ZBTB20: variants seen among roughly 807,000 people sequenced by gnomAD.
ZBTB20 encodes the protein zinc finger and BTB domain-containing protein 20.
In ZBTB20, 9 loss-of-function variants were observed where a neutral mutation model predicts 56.9. The observed-to-expected ratio is 0.16, with a 90% CI of 0.10 to 0.28. The LOEUF is 0.28. ZBTB20 is among the 10% of genes least tolerant of loss of function. The pLI, the probability that ZBTB20 is intolerant of heterozygous loss-of-function variation, is 1.00. For synonymous variants in ZBTB20, 417 were observed against 420.7 expected (o/e 0.99, Z 0.11); for missense variants, 655 against 1,003.0 (o/e 0.65, Z 4.69).
chr3:114,525,959 C>A (rs1474362838), intron 6 of ZBTB20, among the ~76,000 whole-genome samples: 1 of 152,208 alleles, frequency 6.6e-6, no homozygotes, highest in Non-Finnish European at 1.5e-5. Context: ...ATTGTCATTG[C>A]CATTATTGTT....
intron 4 of ZBTB20, among the ~76,000 whole-genome samples, chr3:114,818,215 A>G (rs2073052250): frequency 6.6e-6 from 1 of 152,190 alleles, no homozygotes; most frequent in African/African-American, 2.4e-5. Context: ...TGGTGTTTCA[A>G]TATAAAAACT....
chr3:114,334,479 A>T lies in ZBTB20; in HGVS notation c.*4526T>A, dbSNP rs1196673232. Reference sequence around the variant, plus strand: ...GCTGGTGTTCCTGTGTGAGGGAAGTACACATAGCTCAAGGCTTTAGGACTG... The same window carrying T: ...GCTGGTGTTCCTGTGTGAGGGAAGTTCACATAGCTCAAGGCTTTAGGACTG... On this transcript the variant is annotated 3_prime_UTR_variant, in exon 12 of 12. Coordinates refer to ENST00000675478, the MANE Select transcript of ZBTB20 (RefSeq NM_001348800.3). 1.3e-5 allele frequency: 2 copies of T among 152,246 alleles called. No individual in the cohort carries two copies. The highest frequency in any genetic ancestry group is 4.8e-5 in the African/African-American group (2 of 41,466). 9.4% of individuals were successfully genotyped at this position (152,246 alleles called of 1,614,324 possible).
At chr3:115,005,991 C>T (rs543458607) in intron 2 of ZBTB20, among the ~76,000 whole-genome samples, 19 of 149,084 alleles carry the variant, frequency 1.3e-4, no homozygotes, top group East Asian at 2.0e-4. Flanking sequence ...TGTTCCTAGA[C>T]ATTGCCAAAT....
chr3:115,033,977 AT>A (rs2080810941), intron 2 of ZBTB20, among the ~76,000 whole-genome samples: 1 of 151,832 alleles, frequency 6.6e-6, no homozygotes, highest in Non-Finnish European at 1.5e-5. Flanking sequence ...AATACACCAC[AT>A]TAACAAAATA....
rs140295340 is a variant in ZBTB20, at chr3:115,085,185, C to A, written c.-702-13771G>T. Reference sequence around the variant, plus strand: ...TCCCATATGGCTCTGATAAATGAAACCCGTTATTGTGAATTTCAAGCTCTT... The same window carrying A: ...TCCCATATGGCTCTGATAAATGAAAACCGTTATTGTGAATTTCAAGCTCTT... On this transcript the variant is annotated intron_variant, in intron 1 of 11. Transcript: ENST00000675478. Among the ~76,000 whole-genome samples, 985 of 151,970 alleles carry A rather than the reference C, an allele frequency of 6.5e-3. 6 individuals are homozygous for A. Among genetic ancestry groups the A allele is most frequent in the Non-Finnish European group, 0.011 (765 of 67,896 alleles).
chr3:114,973,513 G>A (rs549797725), intron 3 of ZBTB20, among the ~76,000 whole-genome samples: 14 of 152,184 alleles, frequency 9.2e-5, no homozygotes, highest in Non-Finnish European at 2.1e-4. Flanking sequence ...TGACATTCAG[G>A]TGAAAGTACT....
chr3:114,392,637 CT>C (rs1299803880), intron 7 of ZBTB20, among the ~76,000 whole-genome samples: 4 of 152,180 alleles, frequency 2.6e-5, no homozygotes, highest in African/African-American at 9.7e-5. Context: ...CTTTTTCCAC[CT>C]AGCTTAGCCT....
intron 4 of ZBTB20, among the ~76,000 whole-genome samples, chr3:114,848,327 C>A (rs2074819594): frequency 6.6e-6 from 1 of 152,142 alleles, no homozygotes; most frequent in Admixed American, 6.5e-5. Flanking sequence ...TGCCAACAAA[C>A]AGGGCCTGTT....
At chr3:114,634,339 C>A (rs2107854819) in intron 6 of ZBTB20, among the ~76,000 whole-genome samples, 1 of 152,262 alleles carries the variant, frequency 6.6e-6, no homozygotes, top group South Asian at 2.1e-4. Flanking sequence ...CTAACCTAAT[C>A]AAGAAGGCTG....
chr3:114,624,317 C>T (rs1477705958), intron 6 of ZBTB20: 1 of 149,688 alleles, frequency 6.7e-6, no homozygotes, highest in African/African-American at 2.5e-5. Flanking sequence ...CTTCCACTAA[C>T]TGGGAGGAAA....
At chr3:114,695,421 A>C (rs368842891) in intron 5 of ZBTB20, among the ~76,000 whole-genome samples, 11 of 152,156 alleles carry the variant, frequency 7.2e-5, no homozygotes, top group African/African-American at 2.4e-4. Context: ...ACACATCGAG[A>C]TTTGAAAGGT....
At chr3:114,490,877 T>C (rs74886105) in intron 7 of ZBTB20, among the ~76,000 whole-genome samples, 315 of 152,262 alleles carry the variant, frequency 2.1e-3, no homozygotes, top group Non-Finnish European at 3.7e-3. Flanking sequence ...AACTGGGTAT[T>C]GTGAGGACAG....
chr3:115,036,518 G>A (rs532131112), intron 2 of ZBTB20, among the ~76,000 whole-genome samples: 1 of 152,056 alleles, frequency 6.6e-6, no homozygotes, highest in South Asian at 2.1e-4. Context: ...AGGTTCGAGC[G>A]ATTCTCCTGC....
chr3:114,504,175 G>T (rs1004420156), intron 6 of ZBTB20, among the ~76,000 whole-genome samples: 10 of 152,118 alleles, frequency 6.6e-5, no homozygotes, highest in African/African-American at 2.4e-4. Flanking sequence ...AGCCACACAG[G>T]CTTCTTTGAA....
At chr3:114,848,379 A>G (rs867109986) in intron 4 of ZBTB20, among the ~76,000 whole-genome samples, 2 of 152,208 alleles carry the variant, frequency 1.3e-5, no homozygotes, top group Non-Finnish European at 2.9e-5. Flanking sequence ...TGGCACCGCT[A>G]TAGAGCACTC....
intron 4 of ZBTB20, among the ~76,000 whole-genome samples, chr3:114,809,511 T>C (rs2072357274): frequency 6.6e-6 from 1 of 152,242 alleles, no homozygotes; most frequent in Middle Eastern, 3.4e-3. Flanking sequence ...AGAATTTTTG[T>C]TCCTTTTAAA....
intron 3 of ZBTB20, among the ~76,000 whole-genome samples, chr3:114,959,992 A>G (rs2077389843): frequency 6.6e-6 from 1 of 152,186 alleles, no homozygotes; most frequent in Non-Finnish European, 1.5e-5. Context: ...CCCCCAAAAA[A>G]GGGGTTTAGA....
At position 114,425,567 on chromosome 3, in the gene ZBTB20, T is replaced by C. The variant is rs146072995; in HGVS notation, c.-254-36462A>G. Among the ~76,000 whole-genome samples, 912 of 152,326 alleles carry C rather than the reference T, an allele frequency of 6.0e-3. 4 individuals are homozygous for C. Among genetic ancestry groups the C allele is most frequent in the African/African-American group, 0.02 (824 of 41,580 alleles). On this transcript the variant is annotated intron_variant, in intron 7 of 11. Transcript: ENST00000675478. ...ATCTTGGCTCAATCTTCTCCCTTCA[T>C]TTATTTCCTCAATATTACCTTTTGT...
At chr3:114,930,199 G>A (rs1458579459) in intron 3 of ZBTB20, among the ~76,000 whole-genome samples, 1 of 152,126 alleles carries the variant, frequency 6.6e-6, no homozygotes, top group Admixed American at 6.5e-5. Context: ...GGGAAACGGA[G>A]CGAACTTTAG....
Sources: gnomAD v4.1 joint callset for allele counts (sites outside exome capture counted in the v4.1 genomes callset) on GRCh38, gnomAD v4.1.1 for gene constraint, MANE v1.5 for transcripts, NCBI Gene and HGNC (gene_info 2026-07-23, HGNC 2026-07-21) for gene names.